Variants in KCNG2 observed in about 807,000 individuals in gnomAD.
The protein encoded by KCNG2 is voltage-gated potassium channel regulatory subunit KCNG2.
In KCNG2, 7 loss-of-function variants were observed where a neutral mutation model predicts 12.3. That is an observed-to-expected ratio of 0.57 (90% CI 0.32 to 1.07). The LOEUF (loss-of-function observed/expected upper bound fraction) is 1.07. Ranked by LOEUF, KCNG2 falls within the 50% of genes least tolerant of loss-of-function variation. The pLI is 0.04. For synonymous variants in KCNG2, 414 were observed against 351.4 expected (o/e 1.18, Z -1.99); for missense variants, 703 against 726.0 (o/e 0.97, Z 0.36).
At chr18:79,879,736 C>T (rs926510682) in intron 3 of KCNG2, among the ~76,000 whole-genome samples, 8 of 152,218 alleles carry the variant, frequency 5.3e-5, no homozygotes, top group Non-Finnish European at 8.8e-5. Flanking sequence ...TTCAAGACAC[C>T]GGACTTATCC....
In KCNG2 at chr18:79,863,968, T is replaced by G; in HGVS notation, c.301T>G (p.Phe101Val). The G allele has an allele frequency of 7.9e-7, 1 of 1,264,522 alleles. No individual in the cohort carries two copies. 78.3% of individuals were successfully genotyped at this position (1,264,522 alleles called of 1,614,324 possible). Residue 101 changes from phenylalanine (F) to valine (V), a missense_variant, in exon 3 of 4, where the codon TTC becomes GTC. Physicochemically the swap from Phe to Val is conservative, Grantham distance 50. Transcript: ENST00000316249. ...RLLRGPCALA[F>V]RDELAYWGID... The stretch of plus-strand genomic sequence containing the variant: ...GCTGCGGGGCCCGTGCGCGCTGGCC[T>G]TCCGCGACGAGCTGGCCTACTGGGG...
chr18:79,817,972 C>A (rs2087542417), intron 1 of KCNG2, among the ~76,000 whole-genome samples: 1 of 152,194 alleles, frequency 6.6e-6, no homozygotes, highest in African/African-American at 2.4e-5. Context: ...AAGGGGACAC[C>A]CTACTGGACC....
chr18:79,899,768 C>T lies in KCNG2; in HGVS notation c.1353C>T (p.Gly451=), dbSNP rs759321246. The change falls in exon 4 of 4, where the codon GGC becomes GGT. Residue 451 remains glycine, a synonymous_variant. Coordinates refer to ENST00000316249, the MANE Select transcript of KCNG2 (RefSeq NM_012283.2). The part of the protein sequence containing the change: ...EDSSQGPDSA[G]LADDSADALW... The stretch of plus-strand genomic sequence containing the variant: ...GCTCGCAGGGCCCCGACAGCGCGGG[C>T]CTGGCCGACGACTCCGCGGATGCGC... 18 of 1,515,318 alleles carry T rather than the reference C, an allele frequency of 1.2e-5. No homozygotes were observed. Among genetic ancestry groups the T allele is most frequent in the Non-Finnish European group, 1.3e-5 (15 of 1,140,856 alleles). 93.9% of individuals were successfully genotyped at this position (1,515,318 alleles called of 1,614,324 possible). A position where few individuals can be genotyped will look rare whatever the true frequency, so the allele number is the denominator to read the frequency against.
intron 3 of KCNG2, among the ~76,000 whole-genome samples, chr18:79,870,604 G>T (rs1017648919): frequency 2.6e-5 from 4 of 152,232 alleles, no homozygotes; most frequent in African/African-American, 9.6e-5. Flanking sequence ...GCTGTTGGAG[G>T]TTTCTGGCTG....
Position 79,831,678 on chromosome 18 carries a change from T to C in KCNG2, c.-114-24701T>C, listed in dbSNP as rs2849773. On this transcript the variant is annotated intron_variant, in intron 1 of 3. Transcript: ENST00000316249. ...CGGACAGAGCCTTCGTCAGGAGGGT[T>C]CCCTGCGGACAGAGCCTTCGTCAGG... 5.6e-3 allele frequency among the ~76,000 whole-genome samples: 42 copies of C among 7,516 alleles called. 3 individuals carry two copies. Among genetic ancestry groups the C allele is most frequent in the African/African-American group, 0.028 (36 of 1,296 alleles). The allele number at this position is 7,516 out of a possible 152,430, so 4.9% of individuals were successfully genotyped here. A position where few individuals can be genotyped will look rare whatever the true frequency, so the allele number is the denominator to read the frequency against.
At chr18:79,882,282 G>T (rs1980327445) in intron 3 of KCNG2, among the ~76,000 whole-genome samples, 1 of 152,198 alleles carries the variant, frequency 6.6e-6, no homozygotes, top group African/African-American at 2.4e-5. Context: ...GCCGAGGTGG[G>T]AAGATCACTT....
intron 1 of KCNG2, among the ~76,000 whole-genome samples, chr18:79,844,900 G>A (rs1020344213): frequency 6.6e-6 from 1 of 152,190 alleles, no homozygotes; most frequent in Non-Finnish European, 1.5e-5. Context: ...AGGATAAATT[G>A]AATTTTATCA....
intron 3 of KCNG2, among the ~76,000 whole-genome samples, chr18:79,873,426 T>TCCCCCCCCCCCC (rs138533244): frequency 6.9e-5 from 6 of 86,710 alleles, no homozygotes; most frequent in African/African-American, 1.7e-4. Flanking sequence ...CCGGCCCCCC[T>TCCCCCCCCCCCC]CCCCCCCCCC....
intron 3 of KCNG2, among the ~76,000 whole-genome samples, chr18:79,870,830 C>T (rs950363209): frequency 3.9e-5 from 6 of 152,310 alleles, no homozygotes; most frequent in Non-Finnish European, 5.9e-5. Context: ...CGTGGGCAGA[C>T]GTCACAGACA....
At chr18:79,804,572 C>T (rs757950315) in intron 1 of KCNG2, among the ~76,000 whole-genome samples, 8 of 152,210 alleles carry the variant, frequency 5.3e-5, no homozygotes, top group Admixed American at 2.6e-4. Flanking sequence ...GCTGACGCAC[C>T]GCTGCTTCCT....
intron 3 of KCNG2, among the ~76,000 whole-genome samples, chr18:79,870,313 G>A (rs189574889): frequency 6.6e-6 from 1 of 152,340 alleles, no homozygotes; most frequent in East Asian, 1.9e-4. Context: ...ACAGTGACAG[G>A]GCTTGATGAT....
intron 3 of KCNG2, among the ~76,000 whole-genome samples, chr18:79,885,144 G>A (rs1805881428): frequency 6.6e-6 from 1 of 152,196 alleles, no homozygotes; most frequent in South Asian, 2.1e-4. Context: ...CCAGGGCTGT[G>A]GAGCAGAGTC....
At chr18:79,864,642 C>T (rs1232966794) in intron 3 of KCNG2, among the ~76,000 whole-genome samples, 2 of 152,210 alleles carry the variant, frequency 1.3e-5, no homozygotes, top group Admixed American at 6.5e-5. Context: ...ATTGGGTATC[C>T]GGGGCCTAGA....
At chr18:79,873,026 A>T (rs1979912314) in intron 3 of KCNG2, among the ~76,000 whole-genome samples, 1 of 152,038 alleles carries the variant, frequency 6.6e-6, no homozygotes, top group Admixed American at 6.6e-5. Flanking sequence ...AATAGTGGGG[A>T]GGCTCACAAA....
intron 1 of KCNG2, among the ~76,000 whole-genome samples, chr18:79,820,064 T>C (rs1265097918): frequency 6.6e-6 from 1 of 152,214 alleles, no homozygotes; most frequent in Admixed American, 6.5e-5. Flanking sequence ...AACCTCCTCC[T>C]ATTCTGTGTC....
At chr18:79,876,825 G>A (rs1980092606) in intron 3 of KCNG2, among the ~76,000 whole-genome samples, 1 of 152,250 alleles carries the variant, frequency 6.6e-6, no homozygotes, top group Non-Finnish European at 1.5e-5. Context: ...GTTTGGCACA[G>A]AACACCATGC....
chr18:79,866,446 TGCTGAGAGTGTGG>T lies in KCNG2; in HGVS notation c.624+2157_624+2169del, dbSNP rs1979554870. On this transcript the variant is annotated intron_variant, in intron 3 of 3. Transcript: ENST00000316249. ...AGGTCTGGGTGCTGAGAGGTCTGGG[TGCTGAGAGTGTGG>T]GTGCTGAGGTCTGGGTGCTGAGGTC... is the stretch of plus-strand genomic sequence containing the variant. Among the ~76,000 whole-genome samples the T allele has an allele frequency of 7.6e-5, 9 of 118,314 alleles. 1 individual carries two copies. Among genetic ancestry groups the T allele is most frequent in the Admixed American group, 7.4e-4 (9 of 12,108 alleles). The allele number at this position is 118,314 out of a possible 152,430, so 77.6% of individuals were successfully genotyped here.
At chr18:79,798,278 T>G (rs1599357521) in intron 1 of KCNG2, among the ~76,000 whole-genome samples, 3 of 148,892 alleles carry the variant, frequency 2.0e-5, no homozygotes, top group Non-Finnish European at 3.0e-5. Flanking sequence ...AGTCCGGGAG[T>G]CGAGGGGGGC....
intron 1 of KCNG2, among the ~76,000 whole-genome samples, chr18:79,851,050 G>A (rs113947058): frequency 2.2e-4 from 34 of 152,280 alleles, no homozygotes; most frequent in African/African-American, 7.2e-4. Flanking sequence ...CATGTCTGCC[G>A]TGTGCAGCAA....
Sources: gnomAD v4.1 joint callset for allele counts (sites outside exome capture counted in the v4.1 genomes callset) on GRCh38, gnomAD v4.1.1 for gene constraint, MANE v1.5 for transcripts, NCBI Gene and HGNC (gene_info 2026-07-23, HGNC 2026-07-21) for gene names.